The following ROBO2 variants were observed in gnomAD, a reference collection of about 807,000 sequenced individuals.
The protein encoded by ROBO2 is roundabout guidance receptor 2.
ROBO2 carries 53 observed loss-of-function variants against 160.8 expected under a neutral mutation model. The ratio of observed to expected loss-of-function variants is 0.33; its 90% CI spans 0.26 to 0.41. The LOEUF is 0.41. ROBO2 is among the 10% of genes least tolerant of loss of function. ROBO2 has a pLI of 1.00. For synonymous variants in ROBO2, 664 were observed against 611.7 expected (o/e 1.09, Z -1.26); for missense variants, 1,577 against 1,722.4 (o/e 0.92, Z 1.49).
intron 2 of ROBO2, among the ~76,000 whole-genome samples, chr3:77,271,782 C>T (rs1460510928): frequency 1.3e-5 from 2 of 152,184 alleles, no homozygotes; most frequent in East Asian, 3.9e-4. Context: ...TTTGATGCCC[C>T]CATGGGCCCT....
At chr3:76,205,832 C>T (rs971216159) in intron 2 of ROBO2, among the ~76,000 whole-genome samples, 1 of 152,112 alleles carries the variant, frequency 6.6e-6, no homozygotes, top group Non-Finnish European at 1.5e-5. Flanking sequence ...TGTTTTCTAA[C>T]TTGTCACTGA....
At chr3:76,701,015 A>G (rs1030184985) in intron 2 of ROBO2, among the ~76,000 whole-genome samples, 1 of 152,050 alleles carries the variant, frequency 6.6e-6, no homozygotes, top group Non-Finnish European at 1.5e-5. Context: ...ACAAATTCCT[A>G]ATGGGGCCCA....
intron 2 of ROBO2, among the ~76,000 whole-genome samples, chr3:77,298,046 C>T (rs2062311497): frequency 1.3e-5 from 2 of 152,016 alleles, no homozygotes; most frequent in African/African-American, 4.8e-5. Context: ...GGTTATTCTG[C>T]AAATCCTCCT....
chr3:76,095,008 G>A (rs1195328265), intron 2 of ROBO2, among the ~76,000 whole-genome samples: 2 of 152,104 alleles, frequency 1.3e-5, no homozygotes, highest in Non-Finnish European at 2.9e-5. Context: ...AATAATCTCA[G>A]CATTAATGTC....
intron 2 of ROBO2, among the ~76,000 whole-genome samples, chr3:76,368,253 A>G (rs2075931022): frequency 6.6e-6 from 1 of 152,006 alleles, no homozygotes. Flanking sequence ...AATATGTGAA[A>G]TAGAATAGTC....
At chr3:76,706,471 CT>C (rs140202467) in intron 2 of ROBO2, among the ~76,000 whole-genome samples, 2,540 of 152,064 alleles carry the variant, frequency 0.017, 61 homozygotes, top group African/African-American at 0.056. Flanking sequence ...TCTGCTCCCC[CT>C]GATCCCTCCC....
chr3:76,896,307 A>C (rs565244692), intron 2 of ROBO2, among the ~76,000 whole-genome samples: 1 of 152,268 alleles, frequency 6.6e-6, no homozygotes, highest in Non-Finnish European at 1.5e-5. Flanking sequence ...AACTGAACAC[A>C]TTATCTTTTC....
chr3:76,939,979 A>ATTTTTTTTTTTTTTTT (rs71104641), intron 2 of ROBO2, among the ~76,000 whole-genome samples: 1 of 120,552 alleles, frequency 8.3e-6, no homozygotes, highest in African/African-American at 3.5e-5. Flanking sequence ...AAGCAACAGG[A>ATTTTTTTTTTTTTTTT]TTTTTTTTTT....
intron 2 of ROBO2, among the ~76,000 whole-genome samples, chr3:76,305,477 T>TCGG (rs1364162290): frequency 7.1e-6 from 1 of 140,052 alleles, no homozygotes; most frequent in Non-Finnish European, 1.5e-5. Flanking sequence ...ACAAGAATCA[T>TCGG]CGGCAGGGTG....
chr3:76,979,617 C>T (rs1022755939), intron 2 of ROBO2, among the ~76,000 whole-genome samples: 1 of 148,570 alleles, frequency 6.7e-6, no homozygotes, highest in African/African-American at 2.5e-5. Context: ...TGTGTGTGCG[C>T]AGGTATATGT....
chr3:77,080,113 T>C (rs375097281), intron 1 of ROBO2, among the ~76,000 whole-genome samples: 4 of 152,288 alleles, frequency 2.6e-5, no homozygotes, highest in African/African-American at 9.6e-5. Context: ...GGCTTTTGTG[T>C]CCTGTGCTTT....
chr3:77,516,260 C>T (rs1000025874), intron 5 of ROBO2, among the ~76,000 whole-genome samples: 46 of 151,654 alleles, frequency 3.0e-4, no homozygotes, highest in African/African-American at 1.1e-3. Flanking sequence ...GGTTTGCTTT[C>T]AGGTTGAATT....
intron 2 of ROBO2, among the ~76,000 whole-genome samples, chr3:76,042,467 G>A (rs1163255346): frequency 6.6e-6 from 1 of 151,996 alleles, no homozygotes; most frequent in African/African-American, 2.4e-5. Context: ...TTATGTATGC[G>A]ATTATTTACA....
At chr3:77,506,956 T>C (rs1486288981) in intron 5 of ROBO2, among the ~76,000 whole-genome samples, 1 of 152,164 alleles carries the variant, frequency 6.6e-6, no homozygotes, top group South Asian at 2.1e-4. Flanking sequence ...GAAGAGGACC[T>C]GTTGGTTTTC....
At chr3:77,437,379 A>G (rs1034167093) in intron 2 of ROBO2, among the ~76,000 whole-genome samples, 1 of 151,978 alleles carries the variant, frequency 6.6e-6, no homozygotes, top group African/African-American at 2.4e-5. Context: ...AAGTACTGAA[A>G]TTTAATGTGT....
At chr3:77,275,090 G>A (rs2059744246) in intron 2 of ROBO2, among the ~76,000 whole-genome samples, 2 of 152,026 alleles carry the variant, frequency 1.3e-5, no homozygotes, top group South Asian at 2.1e-4. Flanking sequence ...ATTTGAAAAT[G>A]TAGAATTTCT....
chr3:75,973,984 A>G (rs1307408793), intron 2 of ROBO2, among the ~76,000 whole-genome samples: 2 of 151,538 alleles, frequency 1.3e-5, no homozygotes, highest in Non-Finnish European at 3.0e-5. Flanking sequence ...AACCATGGAA[A>G]TGTGGTTACA....
intron 2 of ROBO2, among the ~76,000 whole-genome samples, chr3:76,470,117 A>G (rs1560000392): frequency 6.6e-6 from 1 of 152,028 alleles, no homozygotes; most frequent in Non-Finnish European, 1.5e-5. Flanking sequence ...CTTACATTCA[A>G]ATCCCATCAA....
At chr3:76,363,528 G>A (rs1414579864) in intron 2 of ROBO2, among the ~76,000 whole-genome samples, 2 of 152,164 alleles carry the variant, frequency 1.3e-5, no homozygotes, top group Non-Finnish European at 2.9e-5. Flanking sequence ...ATTTTGCATC[G>A]TGTTTTGAAT....
Sources: gnomAD v4.1 joint callset for allele counts (sites outside exome capture counted in the v4.1 genomes callset) on GRCh38, gnomAD v4.1.1 for gene constraint, MANE v1.5 for transcripts, NCBI Gene and HGNC (gene_info 2026-07-23, HGNC 2026-07-21) for gene names.